Variants in PFKP observed in about 807,000 individuals in gnomAD.
PFKP encodes the protein phosphofructokinase, platelet.
Under a neutral mutation model 94.3 loss-of-function variants are expected in PFKP, and 101 were observed. The observed-to-expected ratio is 1.07, with a 90% CI of 0.91 to 1.26. The LOEUF is 1.26. PFKP is among the 50% of genes most tolerant of loss of function. The pLI is 0.00. For synonymous variants in PFKP, 573 were observed against 432.6 expected, an observed-to-expected ratio of 1.32 and a Z score of -4.03; for missense variants, 1,145 against 1,103.3, an observed-to-expected ratio of 1.04 and a Z score of -0.53.
intron 20 of PFKP, 143 bp from the exon 21 acceptor site, chr10:3,135,593 G>T (rs1039418754): frequency 1.7e-6 from 1 of 587,810 alleles, no homozygotes; most frequent in Non-Finnish European, 3.1e-6. Context: ...CCCACTGCGC[G>T]GCTGTTCTCA....
At chr10:3,125,542 G>A (rs908824453) in intron 16 of PFKP, among the ~76,000 whole-genome samples, 4 of 152,138 alleles carry the variant, frequency 2.6e-5, no homozygotes, top group Non-Finnish European at 4.4e-5. Flanking sequence ...TGCCTCTCCT[G>A]CCCACGCTGA....
rs1835251963 is a variant in PFKP, at chr10:3,103,763, T to A, written c.455-16T>A. The A allele has an allele frequency of 6.2e-7, 1 of 1,613,356 alleles. No individual in the cohort carries two copies. Among genetic ancestry groups the A allele is most frequent in the South Asian group, 1.1e-5 (1 of 91,082 alleles). On this transcript the variant is annotated splice_polypyrimidine_tract_variant and intron_variant, in intron 4 of 21. Coordinates refer to ENST00000381125, the MANE Select transcript of PFKP (RefSeq NM_002627.5). Reference sequence around the variant, plus strand: ...ATGGTTACGGCGATGAGACGTGCTGTTTGCTCCCCGCGCAGGCCAGATCGA... The same window carrying A: ...ATGGTTACGGCGATGAGACGTGCTGATTGCTCCCCGCGCAGGCCAGATCGA...
In PFKP at chr10:3,113,451, T is replaced by C. The variant is rs1836464793; in HGVS notation, c.1304T>C (p.Val435Ala). 1 of 1,612,784 alleles carries C rather than the reference T, an allele frequency of 6.2e-7. No homozygotes were observed. The highest frequency in any genetic ancestry group is 8.5e-7 in the Non-Finnish European group (1 of 1,179,610). The part of the protein sequence containing the change: ...MNAAVRSAVR[V>A]GIADGHRMLA... ...GCAGCCGTACGCTCAGCTGTGCGCG[T>C]GGGCATTGCCGACGGCCACAGGATG... The change falls in exon 13 of 22, where the codon GTG (valine) becomes GCG (alanine). Residue 435 changes from valine (V) to alanine (A), a missense_variant. Transcript: ENST00000381125.
chr10:3,084,928 C>T (rs1200117085), intron 2 of PFKP, among the ~76,000 whole-genome samples: 46 of 44,830 alleles, frequency 1.0e-3, no homozygotes, highest in East Asian at 5.5e-3. Flanking sequence ...CCATTCCCTC[C>T]CCAGCACGGT....
chr10:3,121,789 A>G (rs1588535821), intron 16 of PFKP, among the ~76,000 whole-genome samples: 1 of 61,822 alleles, frequency 1.6e-5, no homozygotes, highest in Admixed American at 1.7e-4. Context: ...AGGTTAAACA[A>G]TTTCTTTTTT....
rs182532518 is a variant in PFKP at position 3,103,774 on chromosome 10, C to T, written c.455-5C>T. On this transcript the variant is annotated splice_region_variant and splice_polypyrimidine_tract_variant and intron_variant, in intron 4 of 21. Coordinates refer to ENST00000381125, the MANE Select transcript of PFKP (RefSeq NM_002627.5). The stretch of plus-strand genomic sequence containing the variant: ...GATGAGACGTGCTGTTTGCTCCCCG[C>T]GCAGGCCAGATCGATAAGGAGGCCG... 290 of 1,613,832 alleles carry T rather than the reference C, an allele frequency of 1.8e-4. 1 individual carries two copies. Among genetic ancestry groups the T allele is most frequent in the African/African-American group, 1.7e-3 (128 of 75,082 alleles).
intron 17 of PFKP, 78 bp downstream of exon 17, chr10:3,130,061 G>A: frequency 2.9e-6 from 4 of 1,380,322 alleles, no homozygotes; most frequent in African/African-American, 1.5e-5. Context: ...CGTGTCTAGG[G>A]TGGTTTGCTT....
chr10:3,069,949 C>T (rs757624799), intron 1 of PFKP, among the ~76,000 whole-genome samples: 1 of 152,214 alleles, frequency 6.6e-6, no homozygotes, highest in Non-Finnish European at 1.5e-5. Context: ...CTCTTCTTTT[C>T]TGGGGAAAAT....
intron 3 of PFKP, chr10:3,101,059 A>AGGC: frequency 7.3e-7 from 1 of 1,371,636 alleles, no homozygotes; most frequent in Non-Finnish European, 1.0e-6. Flanking sequence ...GCCGGTGCTG[A>AGGC]GGCGGCTGCT....
At chr10:3,119,422 AT>A (rs1172342725) in intron 15 of PFKP, among the ~76,000 whole-genome samples, 1 of 148,850 alleles carries the variant, frequency 6.7e-6, no homozygotes, top group Non-Finnish European at 1.5e-5. Context: ...CCTGACCAAC[AT>A]GGTGAAACCC....
chr10:3,136,257 C>A lies in PFKP; in HGVS notation c.2226-193C>A, dbSNP rs149940376. On this transcript the variant is annotated intron_variant, in intron 21 of 21. Transcript: ENST00000381125. ...TCAAGCCTGGCGACAGAGCGAGACTCCACCACTGGGTCTTCGGGAATAATT... is the reference window on the plus strand; with the variant it reads ...TCAAGCCTGGCGACAGAGCGAGACTACACCACTGGGTCTTCGGGAATAATT... 4.6e-3 allele frequency among the ~76,000 whole-genome samples: 702 copies of A among 152,266 alleles called. 3 individuals are homozygous for A. The highest frequency in any genetic ancestry group is 0.016 in the African/African-American group (671 of 41,544).
chr10:3,100,801 G>A (rs942999950), intron 3 of PFKP: 1 of 594,792 alleles, frequency 1.7e-6, no homozygotes, highest in African/African-American at 2.0e-5. Context: ...TGGAAGTTTG[G>A]ATGAAAGAAT....
chr10:3,118,768 G>A lies in PFKP; in HGVS notation c.1443-14G>A, dbSNP rs1356141371. The A allele has an allele frequency of 6.2e-7, 1 of 1,605,672 alleles. No homozygotes were observed. Among genetic ancestry groups the A allele is most frequent in the Non-Finnish European group, 8.5e-7 (1 of 1,172,782 alleles). ...TGGGGTGTCTGACATCGTTCTCCAC[G>A]TGGCTATTTTCAGCGTTCTCCCGGG... On this transcript the variant is annotated splice_polypyrimidine_tract_variant and intron_variant, in intron 14 of 21. Coordinates refer to ENST00000381125, the MANE Select transcript of PFKP (RefSeq NM_002627.5).
At position 3,118,819 on chromosome 10, in the gene PFKP, C is replaced by T. The variant is rs776473677; in HGVS notation, c.1480C>T (p.Gln494Ter). Residue 494 changes from glutamine to a stop codon, truncating the protein, a stop_gained, in exon 15 of 22, where the codon CAG (glutamine) becomes TAG (stop). Coordinates refer to ENST00000381125, the MANE Select transcript of PFKP (RefSeq NM_002627.5). LOFTEE classifies it high-confidence loss of function. ...GAAGTACTTGGAAGAGATCGCCACACAGATGCGCACGCACAGCATCAACGC... is the reference window on the plus strand; with the variant it reads ...GAAGTACTTGGAAGAGATCGCCACATAGATGCGCACGCACAGCATCAACGC... ...PGKYLEEIATQMRTHSINALL... is the reference protein window; with the variant it reads ...PGKYLEEIAT 1.2e-6 allele frequency: 2 copies of T among 1,613,858 alleles called. No individual in the cohort carries two copies. Among genetic ancestry groups the T allele is most frequent in the South Asian group, 1.1e-5 (1 of 90,986 alleles).
Position 3,103,267 on chromosome 10 carries a change from C to T in PFKP, c.455-512C>T, listed in dbSNP as rs533622365. On this transcript the variant is annotated intron_variant, in intron 4 of 21. Transcript: ENST00000381125. The stretch of plus-strand genomic sequence containing the variant: ...CTGCTCTTGTCTAAGTGCCAGGTGA[C>T]AGAGTCCATTGTGTGTAACTGCTGC... Among the ~76,000 whole-genome samples, 12 of 152,332 alleles carry T rather than the reference C, an allele frequency of 7.9e-5. 1 individual carries two copies. The East Asian group carries it at 2.3e-3, about 29-fold the overall frequency.
intron 11 of PFKP, among the ~76,000 whole-genome samples, chr10:3,112,592 C>T (rs947451352): frequency 3.3e-5 from 5 of 152,198 alleles, no homozygotes; most frequent in Admixed American, 2.0e-4. Context: ...GAGTCTCCTT[C>T]TGTTGCCTAG....
At position 3,136,609 on chromosome 10, in the gene PFKP, A is replaced by T; in HGVS notation, c.*30A>T. 6.2e-7 allele frequency: 1 copy of T among 1,608,382 alleles called. No homozygotes were observed. Among genetic ancestry groups the T allele is most frequent in the Non-Finnish European group, 8.5e-7 (1 of 1,176,024 alleles). On this transcript the variant is annotated 3_prime_UTR_variant, in exon 22 of 22. Coordinates refer to ENST00000381125, the MANE Select transcript of PFKP (RefSeq NM_002627.5). ...GTCCCGCCTGCATGTGCCTGCAGCC[A>T]CCGTGGACTGTCTGTTTTTGTAACA...
rs7915793 is a variant in PFKP at position 3,113,072 on chromosome 10, G to A, written c.1155-47G>A. ...CTTTTCTCCACATGAGCCCTGAGTT[G>A]TGTCCGGTATTCTCGACTCCGGTCC... is the stretch of plus-strand genomic sequence containing the variant. On this transcript the variant is annotated intron_variant, in intron 11 of 21. Coordinates refer to ENST00000381125, the MANE Select transcript of PFKP (RefSeq NM_002627.5). The A allele has an allele frequency of 7.7e-6, 12 of 1,555,292 alleles. No individual in the cohort carries two copies. The African/African-American group carries it at 1.2e-4, about 16-fold the overall frequency.
chr10:3,094,588 C>T (rs746279115), intron 2 of PFKP, among the ~76,000 whole-genome samples: 21 of 152,130 alleles, frequency 1.4e-4, no homozygotes, highest in Non-Finnish European at 2.6e-4. Context: ...TGGTGTGGGG[C>T]TGTTTAATCT....
Sources: allele counts gnomAD v4.1 joint callset (sites outside exome capture counted in the v4.1 genomes callset), GRCh38; gene constraint gnomAD v4.1.1; transcripts MANE v1.5; gene names NCBI Gene and HGNC (gene_info 2026-07-23, HGNC 2026-07-21).